Variants in SLC60A1 observed in about 807,000 individuals in gnomAD.
SLC60A1 encodes the protein major facilitator superfamily domain containing 4.
the SLC60A1 span, among the ~76,000 whole-genome samples, chr1:205,583,739 T>C: frequency 6.6e-6 from 1 of 152,062 alleles, no homozygotes; most frequent in African/African-American, 2.4e-5. Context: ...GGGACGCGAG[T>C]ATGGTGATCA....
At chr1:205,571,673 ACT>A in the SLC60A1 span, among the ~76,000 whole-genome samples, 3 of 152,092 alleles carry the variant, frequency 2.0e-5, no homozygotes, top group East Asian at 1.9e-4. Flanking sequence ...CACCTTGCTG[ACT>A]CTGGGCAGCT....
At chr1:205,569,312 C>T in the SLC60A1 span, 19 of 1,476,912 alleles carry the variant, frequency 1.3e-5, no homozygotes, top group Admixed American at 2.2e-5. Flanking sequence ...GAGTGCCGCG[C>T]CCGTGCGCCC....
chr1:205,598,680 A>G, the SLC60A1 span: 1 of 159,000 alleles, frequency 6.3e-6, no homozygotes, highest in East Asian at 1.8e-4. Flanking sequence ...AAGGCCACCA[A>G]TGAAACCGGT....
At chr1:205,569,489 T>TCCCTCCCTCCCC in the SLC60A1 span, among the ~76,000 whole-genome samples, 3,023 of 65,480 alleles carry the variant, frequency 0.046, 103 homozygotes, top group African/African-American at 0.14. Flanking sequence ...CCTCCCTCCC[T>TCCCTCCCTCCCC]CCCTCCCCCG....
At chr1:205,596,544 CAAAAAAAAAAAAAAAAAA>C in the SLC60A1 span, among the ~76,000 whole-genome samples, 74 of 49,150 alleles carry the variant, frequency 1.5e-3, 4 homozygotes, top group East Asian at 0.052. Context: ...GACTCTGTCT[CAAAAAAAAAAAAAAAAAA>C]AAAAAAAAAA....
At chr1:205,592,368 CTTT>C in the SLC60A1 span, 32 of 405,088 alleles carry the variant, frequency 7.9e-5, no homozygotes, top group East Asian at 4.5e-4. Flanking sequence ...TCTCTGTGCT[CTTT>C]TTTTTTTTTT....
the SLC60A1 span, chr1:205,598,055 A>T: frequency 1.9e-6 from 1 of 533,578 alleles, no homozygotes; most frequent in Non-Finnish European, 3.4e-6. Flanking sequence ...GGATCTGGAG[A>T]TGTAAACGGA....
At chr1:205,586,340 G>A in the SLC60A1 span, 13 of 1,109,102 alleles carry the variant, frequency 1.2e-5, no homozygotes, top group Non-Finnish European at 6.5e-6. Flanking sequence ...AGAGGGAAGA[G>A]AGGAGAGAGA....
At chr1:205,599,120 C>T in the SLC60A1 span, 1 of 1,613,654 alleles carries the variant, frequency 6.2e-7, no homozygotes, top group Non-Finnish European at 8.5e-7. Flanking sequence ...CTGTGTTTTC[C>T]CCTTTGGCAG....
At chr1:205,598,859 G>T in the SLC60A1 span, 1 of 476,888 alleles carries the variant, frequency 2.1e-6, no homozygotes, top group Non-Finnish European at 3.7e-6. Flanking sequence ...TGATGATAGA[G>T]ATCGTCAGAA....
chr1:205,599,396 C>A, the SLC60A1 span: 1 of 1,081,022 alleles, frequency 9.3e-7, no homozygotes, highest in Admixed American at 2.9e-5. Context: ...TATTTTTCTA[C>A]AGCTTCCTTT....
At chr1:205,584,692 C>G in the SLC60A1 span, among the ~76,000 whole-genome samples, 1 of 152,200 alleles carries the variant, frequency 6.6e-6, no homozygotes, top group African/African-American at 2.4e-5. Context: ...CCTCTCTGAG[C>G]CTTGGCTCCA....
At chr1:205,579,697 G>A in the SLC60A1 span, 3 of 1,593,116 alleles carry the variant, frequency 1.9e-6, no homozygotes, top group Non-Finnish European at 2.6e-6. Flanking sequence ...TGGAGGAGAA[G>A]GGGGAGGGGA....
the SLC60A1 span, among the ~76,000 whole-genome samples, chr1:205,577,012 T>G: frequency 6.6e-6 from 1 of 152,114 alleles, no homozygotes. This position sits in a 1 kb window ranked among gnomAD's most constrained non-coding sequence, Gnocchi z 5.2. Context: ...TGGCTGAGCC[T>G]GGGACAAACC....
the SLC60A1 span, among the ~76,000 whole-genome samples, chr1:205,575,363 G>A: frequency 6.6e-6 from 1 of 152,190 alleles, no homozygotes; most frequent in Non-Finnish European, 1.5e-5. Flanking sequence ...GGACAAACAT[G>A]TGAAGAGAAT....
chr1:205,596,354 A>T, the SLC60A1 span, among the ~76,000 whole-genome samples: 4 of 151,902 alleles, frequency 2.6e-5, no homozygotes, highest in Non-Finnish European at 5.9e-5. Context: ...ACCAGAGAGG[A>T]ACATTACTGA....
At chr1:205,571,228 A>G in the SLC60A1 span, among the ~76,000 whole-genome samples, 1 of 152,250 alleles carries the variant, frequency 6.6e-6, no homozygotes, top group Non-Finnish European at 1.5e-5. Context: ...AAGTGGAGGC[A>G]CAGAGAGGTT....
the SLC60A1 span, chr1:205,569,166 G>A: frequency 1.9e-6 from 3 of 1,541,842 alleles, no homozygotes; most frequent in East Asian, 5.0e-5. Context: ...CCTGTGCATC[G>A]CCTTCCTGGG....
the SLC60A1 span, chr1:205,569,290 T>G: frequency 1.3e-6 from 2 of 1,535,386 alleles, no homozygotes; most frequent in African/African-American, 1.4e-5. Context: ...GGGGGCGTCT[T>G]CAAAAGGACG....
Sources: gnomAD v4.1 joint callset for allele counts (sites outside exome capture counted in the v4.1 genomes callset) on GRCh38, gnomAD v4.1.1 for gene constraint, Gnocchi (gnomAD v3.1) non-coding constraint, MANE v1.5 for transcripts, NCBI Gene and HGNC (gene_info 2026-07-23, HGNC 2026-07-21) for gene names.